Variants in HAUS5 observed in about 807,000 individuals in gnomAD.
The protein encoded by HAUS5 is HAUS augmin like complex subunit 5.
A neutral mutation model predicts 94.1 loss-of-function variants in HAUS5; 67 were observed. That is an observed-to-expected ratio of 0.71 (90% CI 0.58 to 0.87). The LOEUF (loss-of-function observed/expected upper bound fraction) is 0.87, where lower values mean the gene tolerates loss of function less well. HAUS5 is among the 40% of genes least tolerant of loss of function. The probability of loss-of-function intolerance (pLI) is 0.00; values close to 1 mark genes in which losing one functional copy is unlikely to be tolerated. For synonymous variants in HAUS5, 339 were observed against 355.4 expected (o/e 0.95, Z 0.52); for missense variants, 739 against 825.6 (o/e 0.90, Z 1.29).
At chr19:35,613,288 C>T (rs1457455937) in intron 1 of HAUS5, among the ~76,000 whole-genome samples, 1 of 152,146 alleles carries the variant, frequency 6.6e-6, no homozygotes, top group Non-Finnish European at 1.5e-5. Context: ...CCACCTCCAC[C>T]TCTGGATGTG....
At chr19:35,613,655 C>T (rs778972714) in intron 1 of HAUS5, 75 bp from the exon 2 acceptor site, 1 of 1,370,036 alleles carries the variant, frequency 7.3e-7, no homozygotes, top group East Asian at 2.3e-5. Context: ...AACTCCCTAC[C>T]ACCATCACCC....
intron 4 of HAUS5, among the ~76,000 whole-genome samples, chr19:35,614,753 G>A (rs1477163729): frequency 6.6e-6 from 1 of 152,038 alleles, no homozygotes; most frequent in Admixed American, 6.5e-5. Flanking sequence ...CACCTAAGGG[G>A]AGGCTTCCAG....
In HAUS5 at chr19:35,623,831, G is replaced by A. The variant is rs192995388; in HGVS notation, c.*838G>A. 3 of 152,324 alleles carry A rather than the reference G, an allele frequency of 2.0e-5. No homozygotes were observed. The highest frequency in any genetic ancestry group is 6.5e-5 in the Admixed American group (1 of 15,294). 9.4% of individuals were successfully genotyped at this position (152,324 alleles called of 1,614,324 possible). On this transcript the variant is annotated 3_prime_UTR_variant, in exon 19 of 19. Coordinates refer to ENST00000203166, the MANE Select transcript of HAUS5 (RefSeq NM_015302.2). ...GGGAATGTGCTGTGTCAAGAGCAGC[G>A]GCGGTGACGCAGGTGTAGAGATTTG...
intron 1 of HAUS5, 147 bp from the exon 2 acceptor site, chr19:35,613,583 A>C: frequency 1.6e-6 from 1 of 624,716 alleles, no homozygotes; most frequent in Non-Finnish European, 2.8e-6. Flanking sequence ...AAAAAAAAAA[A>C]AAAAAAAGGC....
intron 4 of HAUS5, among the ~76,000 whole-genome samples, 155 bp from the exon 5 acceptor site, chr19:35,614,887 G>T (rs2071927277): frequency 1.3e-5 from 2 of 152,172 alleles, no homozygotes; most frequent in African/African-American, 4.8e-5. Flanking sequence ...CTAGGAGGAA[G>T]GAGGGAGGGA....
chr19:35,616,921 G>A (rs1164546402), intron 6 of HAUS5, among the ~76,000 whole-genome samples: 2 of 152,214 alleles, frequency 1.3e-5, no homozygotes, highest in South Asian at 2.1e-4. Context: ...ACTTCTGGGT[G>A]GCAAACAGTC....
chr19:35,619,913 G>A, intron 15 of HAUS5, 99 bp from the exon 16 acceptor site: 1 of 1,535,528 alleles, frequency 6.5e-7, no homozygotes, highest in Non-Finnish European at 8.8e-7. Context: ...TGGCATCCTA[G>A]TCCCCAGACC....
chr19:35,617,217 A>C, intron 7 of HAUS5, 24 bp downstream of exon 7: 1 of 1,611,978 alleles, frequency 6.2e-7, no homozygotes. Context: ...TCATGGGAGA[A>C]GGGGCAGGGA....
In HAUS5 at chr19:35,621,914, A is replaced by T. The variant is rs977630516; in HGVS notation, c.1652-687A>T. Among the ~76,000 whole-genome samples, 5 of 152,308 alleles carry T rather than the reference A, an allele frequency of 3.3e-5. No homozygotes were observed. The South Asian group carries it at 1.0e-3, about 32-fold the overall frequency. The stretch of plus-strand genomic sequence containing the variant: ...TCACGCTGCTCGTCTGCACTTGCTG[A>T]GCTGGGCCTGTTCTGTGCACATGGA... On this transcript the variant is annotated intron_variant, in intron 17 of 18. Coordinates refer to ENST00000203166, the MANE Select transcript of HAUS5 (RefSeq NM_015302.2).
Position 35,619,628 on chromosome 19 carries a change from C to T in HAUS5, c.1276C>T (p.Gln426Ter). The T allele has an allele frequency of 1.3e-6, 2 of 1,500,362 alleles. No homozygotes were observed. The highest frequency in any genetic ancestry group is 1.8e-6 in the Non-Finnish European group (2 of 1,107,696). The allele number at this position is 1,500,362 out of a possible 1,614,324, so 92.9% of individuals were successfully genotyped here. ...TTCCCCACAGGTGCTAGCTCTGGTC[C>T]AGCGAAAGGTGGTCCCTACATTTGA... Reference protein sequence around the residue: ...RSPGEVLALVQRKVVPTFEAV... With the variant: ...RSPGEVLALV Residue 426 changes from glutamine to a stop codon, truncating the protein, a stop_gained, in exon 15 of 19, where the codon CAG becomes TAG. Transcript: ENST00000203166. LOFTEE classifies it high-confidence loss of function.
At chr19:35,619,868 GCCAGAC>G (rs1967179052) in intron 15 of HAUS5, 110 bp downstream of exon 15, 1 of 1,521,764 alleles carries the variant, frequency 6.6e-7, no homozygotes, top group Non-Finnish European at 8.8e-7. Context: ...TTCCCAGGCT[GCCAGAC>G]CTCACCCTTG....
intron 5 of HAUS5, 39 bp downstream of exon 5, chr19:35,615,186 G>A: frequency 6.2e-7 from 1 of 1,612,032 alleles, no homozygotes; most frequent in Non-Finnish European, 8.5e-7. Flanking sequence ...CAGAATGTGG[G>A]GCGGGAAAGG....
Position 35,619,066 on chromosome 19 carries a change from A to C in HAUS5, c.1179+17A>C, listed in dbSNP as rs762929578. ...CAGCTGGTGGTGAGAGGCTAGGCCC[A>C]GGGCCTTGTGGAGGGCCAGAGGGGA... On this transcript the variant is annotated intron_variant, in intron 13 of 18. Coordinates refer to ENST00000203166, the MANE Select transcript of HAUS5 (RefSeq NM_015302.2). 1.9e-6 allele frequency: 3 copies of C among 1,562,572 alleles called. No individual in the cohort carries two copies. The highest frequency in any genetic ancestry group is 2.6e-6 in the Non-Finnish European group (3 of 1,157,168).
intron 16 of HAUS5, 24 bp downstream of exon 16, chr19:35,620,147 T>C (rs760101229): frequency 5.0e-6 from 8 of 1,611,474 alleles, no homozygotes; most frequent in East Asian, 2.2e-5. Context: ...TCCTGTGACT[T>C]GTCTCCCCAG....
At position 35,620,277 on chromosome 19, in the gene HAUS5, G is replaced by A. The variant is rs758670329; in HGVS notation, c.1601G>A (p.Trp534Ter). The A allele has an allele frequency of 6.8e-6, 11 of 1,613,492 alleles. No individual in the cohort carries two copies. The Admixed American group carries it at 1.8e-4, about 27-fold the overall frequency. The change falls in exon 17 of 19, where the codon TGG becomes TAG. Residue 534 changes from tryptophan to a stop codon, truncating the protein, a stop_gained. Coordinates refer to ENST00000203166, the MANE Select transcript of HAUS5 (RefSeq NM_015302.2). LOFTEE classifies it high-confidence loss of function. ...LLQDQRSLWC[W>*]DLLHMKTSLP... ...CAGGACCAGCGGAGCCTCTGGTGCT[G>A]GGATCTACTCCACATGAAGACCAGC...
rs765766572 is a variant in HAUS5, at chr19:35,613,783, ACAGT to A, written c.156_159del (p.Ser52ArgfsTer26). ...TGGGCCTACATCTTGCAGCATGTGC[ACAGT>A]CAGAGGTAAGCTGGGCTAGAGCAGG... On this transcript the variant is annotated frameshift_variant, in exon 2 of 19. Coordinates refer to ENST00000203166, the MANE Select transcript of HAUS5 (RefSeq NM_015302.2). LOFTEE classifies it high-confidence loss of function. 6.2e-7 allele frequency: 1 copy of A among 1,614,160 alleles called. No individual in the cohort carries two copies. The highest frequency in any genetic ancestry group is 8.5e-7 in the Non-Finnish European group (1 of 1,180,028).
At chr19:35,618,774 C>A in intron 12 of HAUS5, 75 bp downstream of exon 12, 1 of 1,526,072 alleles carries the variant, frequency 6.6e-7, no homozygotes, top group Non-Finnish European at 8.8e-7. Flanking sequence ...CTTTTTCAGC[C>A]TCTGTGGCTC....
At chr19:35,619,081 GC>G (rs1465703261) in intron 13 of HAUS5, 32 bp downstream of exon 13, 1 of 1,530,328 alleles carries the variant, frequency 6.5e-7, no homozygotes, top group Non-Finnish European at 8.8e-7. Flanking sequence ...CTTGTGGAGG[GC>G]CAGAGGGGAG....
rs769650903 is a variant in HAUS5 at position 35,620,236 on chromosome 19, G to A, written c.1560G>A (p.Gln520=). 2 of 1,613,828 alleles carry A rather than the reference G, an allele frequency of 1.2e-6. No homozygotes were observed. The highest frequency in any genetic ancestry group is 4.5e-5 in the East Asian group (2 of 44,876). Residue 520 remains glutamine, a synonymous_variant, in exon 17 of 19, where the codon CAG becomes CAA. Coordinates refer to ENST00000203166, the MANE Select transcript of HAUS5 (RefSeq NM_015302.2). ...TGCCGGCGGCTGCCTCTCTTCGCCA[G>A]GACCTTCTGCTCCTGCAGGACCAGC... is the stretch of plus-strand genomic sequence containing the variant. ...LLLPAAASLR[Q]DLLLLQDQRS...
Sources: allele counts gnomAD v4.1 joint callset (sites outside exome capture counted in the v4.1 genomes callset), GRCh38; gene constraint gnomAD v4.1.1; transcripts MANE v1.5; gene names NCBI Gene and HGNC (gene_info 2026-07-23, HGNC 2026-07-21).